The following CAPN9 variants were observed in gnomAD, a reference collection of about 807,000 sequenced individuals.
CAPN9 encodes calpain 9.
A neutral mutation model predicts 92.8 loss-of-function variants in CAPN9; 81 were observed. The ratio of observed to expected loss-of-function variants is 0.87; its 90% confidence interval spans 0.73 to 1.05. CAPN9 has a LOEUF of 1.05. CAPN9 is among the 50% of genes least tolerant of loss of function. CAPN9 has a pLI of 0.00. For synonymous variants in CAPN9, 304 were observed against 328.0 expected (o/e 0.93, Z 0.79); for missense variants, 848 against 866.2 (o/e 0.98, Z 0.26).
chr1:230,801,539 C>T lies in CAPN9; in HGVS notation c.2047-31C>T, dbSNP rs200090106. ...GGCTGGAAGGGACATGGAAGGACAACGACCCCTCATCTCTCTCTCTCTCTT... is the reference window on the plus strand; with the variant it reads ...GGCTGGAAGGGACATGGAAGGACAATGACCCCTCATCTCTCTCTCTCTCTT... On this transcript the variant is annotated intron_variant, in intron 19 of 19. Coordinates refer to ENST00000271971, the MANE Select transcript of CAPN9 (RefSeq NM_006615.3). 67 of 1,612,042 alleles carry T rather than the reference C, an allele frequency of 4.2e-5. No individual in the cohort carries two copies. The East Asian group carries it at 4.2e-4, about 10-fold the overall frequency.
In CAPN9 at chr1:230,769,208, G is replaced by C; in HGVS notation, c.734G>C (p.Arg245Pro). The C allele has an allele frequency of 7.4e-6, 12 of 1,614,134 alleles. No homozygotes were observed. The highest frequency in any genetic ancestry group is 1.0e-5 in the Non-Finnish European group (12 of 1,179,994). Residue 245 changes from arginine to proline, a missense_variant, in exon 6 of 20, where the codon CGG becomes CCG. Arg to Pro is a moderately radical substitution (Grantham distance 103, BLOSUM62 -2). Coordinates refer to ENST00000271971, the MANE Select transcript of CAPN9 (RefSeq NM_006615.3). ...DTRSAAESEA[R>P]TPFGLIKGHA... ...AGAAGTGCTGCAGAATCTGAGGCCC[G>C]GACGCCGTTTGGTCTTATTAAGGGT...
chr1:230,753,501 G>T (rs966151200), intron 1 of CAPN9, among the ~76,000 whole-genome samples: 1 of 152,186 alleles, frequency 6.6e-6, no homozygotes, highest in Non-Finnish European at 1.5e-5. Context: ...TGACTTCAAA[G>T]AAATCTCTGT....
At chr1:230,777,480 C>A (rs1426443923) in intron 8 of CAPN9, among the ~76,000 whole-genome samples, 1 of 152,054 alleles carries the variant, frequency 6.6e-6, no homozygotes, top group South Asian at 2.1e-4. Flanking sequence ...TCTCCCCTTA[C>A]GTATGAATTC....
chr1:230,748,334 C>G (rs1664559668), intron 1 of CAPN9, among the ~76,000 whole-genome samples: 1 of 152,198 alleles, frequency 6.6e-6, no homozygotes, highest in African/African-American at 2.4e-5. Flanking sequence ...CCTGGGACGC[C>G]ATGTCAATAT....
At chr1:230,797,478 G>T (rs1222248724) in intron 18 of CAPN9, among the ~76,000 whole-genome samples, 2 of 152,162 alleles carry the variant, frequency 1.3e-5, no homozygotes, top group African/African-American at 2.4e-5. Flanking sequence ...ATCCACACAA[G>T]ACCCAGTCAC....
At position 230,780,588 on chromosome 1, in the gene CAPN9, A is replaced by G; in HGVS notation, c.1361A>G (p.Glu454Gly). The G allele has an allele frequency of 6.2e-7, 1 of 1,614,156 alleles. No individual in the cohort carries two copies. Among genetic ancestry groups the G allele is most frequent in the Non-Finnish European group, 8.5e-7 (1 of 1,180,020 alleles). ...ARSKTFINLR[E>G]VSDRFKLPPG... The stretch of plus-strand genomic sequence containing the variant: ...AGCAAGACGTTCATCAACCTGAGAG[A>G]AGTCTCCGACCGGTTCAAGCTGCCC... Residue 454 changes from glutamate (E) to glycine (G), a missense_variant, in exon 11 of 20, where the codon GAA becomes GGA. By Grantham distance (98) the Glu-to-Gly change is moderately conservative. Coordinates refer to ENST00000271971, the MANE Select transcript of CAPN9 (RefSeq NM_006615.3).
At chr1:230,788,366 C>T (rs1667753378) in intron 13 of CAPN9, among the ~76,000 whole-genome samples, 1 of 152,186 alleles carries the variant, frequency 6.6e-6, no homozygotes, top group South Asian at 2.1e-4. Flanking sequence ...GATGGAGCCT[C>T]ACACAGATCC....
chr1:230,754,539 T>C (rs1361798902), intron 1 of CAPN9, among the ~76,000 whole-genome samples: 1 of 151,340 alleles, frequency 6.6e-6, no homozygotes, highest in African/African-American at 2.4e-5. Context: ...GGGTGGCATG[T>C]GTCTGTAACC....
At chr1:230,770,676 T>C (rs1455875347) in intron 6 of CAPN9, among the ~76,000 whole-genome samples, 1 of 151,892 alleles carries the variant, frequency 6.6e-6, no homozygotes, top group Non-Finnish European at 1.5e-5. Flanking sequence ...AAGAAAGAAT[T>C]GAATGAAAGA....
intron 1 of CAPN9, 40 bp downstream of exon 1, chr1:230,747,749 G>A (rs775924914): frequency 2.5e-5 from 40 of 1,586,962 alleles, no homozygotes; most frequent in Non-Finnish European, 3.4e-5. Flanking sequence ...AGATGAGGCC[G>A]AGGTTCAGCA....
intron 4 of CAPN9, among the ~76,000 whole-genome samples, chr1:230,765,212 G>GAC (rs56286310): frequency 0.058 from 7,602 of 132,020 alleles, 285 homozygotes; most frequent in African/African-American, 0.09. Context: ...ACACATGCAA[G>GAC]ACACACACAC....
chr1:230,798,256 G>C (rs1315076812), intron 19 of CAPN9, 36 bp downstream of exon 19: 10 of 1,471,032 alleles, frequency 6.8e-6, no homozygotes, highest in Non-Finnish European at 9.5e-6. Flanking sequence ...CAGGGACCCA[G>C]CTGGGGCCCA....
rs563076086 is a variant in CAPN9, at chr1:230,790,607, C to T, written c.1657+418C>T. 5.3e-5 allele frequency among the ~76,000 whole-genome samples: 8 copies of T among 152,190 alleles called. No individual in the cohort carries two copies. In the Middle Eastern group the frequency reaches 0.01, roughly 194 times the overall value. On this transcript the variant is annotated intron_variant, in intron 14 of 19. Coordinates refer to ENST00000271971, the MANE Select transcript of CAPN9 (RefSeq NM_006615.3). ...CCCCAGGCAACCACTCATCTACTTT[C>T]TCTATAGATTCTATTTACATATTCT...
At chr1:230,792,702 A>C in intron 16 of CAPN9, 148 bp from the exon 17 acceptor site, 2 of 768,920 alleles carry the variant, frequency 2.6e-6, no homozygotes, top group Non-Finnish European at 4.4e-6. Flanking sequence ...CAAAAGGGAG[A>C]CCGACTTCTT....
chr1:230,790,957 A>G (rs1391169501), intron 14 of CAPN9, among the ~76,000 whole-genome samples: 1 of 152,096 alleles, frequency 6.6e-6, no homozygotes, highest in African/African-American at 2.4e-5. Flanking sequence ...TTTCAGGGGG[A>G]AAAAAAGGAA....
At chr1:230,783,575 A>G (rs1479948162) in intron 11 of CAPN9, among the ~76,000 whole-genome samples, 1 of 152,160 alleles carries the variant, frequency 6.6e-6, no homozygotes, top group African/African-American at 2.4e-5. Context: ...GTAGTTTCCT[A>G]GGTCTCCCTA....
chr1:230,778,658 C>T (rs1666990336), intron 8 of CAPN9, among the ~76,000 whole-genome samples: 1 of 152,112 alleles, frequency 6.6e-6, no homozygotes, highest in Non-Finnish European at 1.5e-5. Context: ...TGTGCCCCAT[C>T]AGTAAGGGCT....
Position 230,767,708 on chromosome 1 carries a change from A to T in CAPN9, c.704A>T (p.Asp235Val). The T allele has an allele frequency of 6.2e-7, 1 of 1,611,514 alleles. No homozygotes were observed. Among genetic ancestry groups the T allele is most frequent in the East Asian group, 2.2e-5 (1 of 44,746 alleles). ...KRGSLLGCFI[D>V]TRSAAESEAR... ...GGCTCCCTGCTGGGCTGCTTCATTG[A>T]TGTAAGTTGCTCATGGGCTCCCATT... is the stretch of plus-strand genomic sequence containing the variant. Residue 235 changes from aspartate to valine, a missense_variant and splice_region_variant, in exon 5 of 20, where the codon GAT (aspartate) becomes GTT (valine). Physicochemically the swap from Asp to Val is radical, Grantham distance 152. Coordinates refer to ENST00000271971, the MANE Select transcript of CAPN9 (RefSeq NM_006615.3).
At chr1:230,754,985 G>C (rs1665132562) in intron 1 of CAPN9, among the ~76,000 whole-genome samples, 1 of 152,230 alleles carries the variant, frequency 6.6e-6, no homozygotes, top group African/African-American at 2.4e-5. Flanking sequence ...AGCTGGGATA[G>C]CCCTGGACTC....
Sources: allele counts gnomAD v4.1 joint callset (sites outside exome capture counted in the v4.1 genomes callset), GRCh38; gene constraint gnomAD v4.1.1; transcripts MANE v1.5; gene names NCBI Gene and HGNC (gene_info 2026-07-23, HGNC 2026-07-21).